TSGA10: variants seen among roughly 807,000 people sequenced by gnomAD.
TSGA10 encodes testis-specific gene 10 protein.
Under a neutral mutation model 96.6 loss-of-function variants are expected in TSGA10, and 43 were observed. The ratio of observed to expected loss-of-function variants is 0.44; its 90% CI spans 0.35 to 0.57. The LOEUF is 0.57. Among genes scored for constraint, TSGA10 ranks in the 20% least tolerant of loss-of-function variants. The pLI is 0.01. For missense variants in TSGA10, 703 were observed against 834.4 expected, an observed-to-expected ratio of 0.84 and a Z score of 1.94; for synonymous variants, 229 against 269.9, an observed-to-expected ratio of 0.85 and a Z score of 1.48.
intron 9 of TSGA10, among the ~76,000 whole-genome samples, chr2:99,105,075 T>C (rs2091198657): frequency 6.6e-6 from 1 of 152,144 alleles, no homozygotes; most frequent in Non-Finnish European, 1.5e-5. Flanking sequence ...TAACAAAATA[T>C]GGAGATGAGA....
At chr2:99,144,649 CAAAAAA>C (rs70940140) in intron 1 of TSGA10, among the ~76,000 whole-genome samples, 4 of 52,268 alleles carry the variant, frequency 7.7e-5, no homozygotes, top group Admixed American at 2.7e-4. Context: ...AACTCTGTCT[CAAAAAA>C]AAAAAAAAAA....
chr2:99,063,042 G>A (rs752016173), intron 16 of TSGA10, among the ~76,000 whole-genome samples: 2 of 152,202 alleles, frequency 1.3e-5, no homozygotes, highest in Admixed American at 1.3e-4. Context: ...CTACAAGAGT[G>A]TGTTATTGAC....
At chr2:99,059,593 C>A (rs1193598816) in intron 16 of TSGA10, among the ~76,000 whole-genome samples, 10 of 150,180 alleles carry the variant, frequency 6.7e-5, no homozygotes. Flanking sequence ...GAGCCGAGAT[C>A]ACGCCACTGC....
chr2:99,093,174 G>C (rs1020579121), intron 10 of TSGA10, among the ~76,000 whole-genome samples: 1 of 151,946 alleles, frequency 6.6e-6, no homozygotes, highest in South Asian at 2.1e-4. Context: ...TCAATAGATG[G>C]AGAAAAGGCA....
intron 12 of TSGA10, among the ~76,000 whole-genome samples, chr2:99,075,272 C>T (rs2086564692): frequency 6.6e-6 from 1 of 152,066 alleles, no homozygotes; most frequent in Non-Finnish European, 1.5e-5. Context: ...ATTTCTTATT[C>T]AACCTCATAT....
intron 1 of TSGA10, among the ~76,000 whole-genome samples, chr2:99,153,629 T>C (rs980862924): frequency 8.5e-5 from 13 of 152,288 alleles, no homozygotes; most frequent in Non-Finnish European, 1.8e-4. Flanking sequence ...GGAAGTAATA[T>C]AAGCAAAGAG....
At chr2:99,067,739 C>T (rs1230464881) in intron 15 of TSGA10, among the ~76,000 whole-genome samples, 2 of 151,858 alleles carry the variant, frequency 1.3e-5, no homozygotes, top group South Asian at 4.2e-4. Context: ...TGTAACCCCA[C>T]CTACTCAGGA....
intron 17 of TSGA10, among the ~76,000 whole-genome samples, chr2:99,025,437 A>T (rs1455976627): frequency 6.6e-6 from 1 of 152,116 alleles, no homozygotes; most frequent in Non-Finnish European, 1.5e-5. Context: ...TTCCCCTATG[A>T]TACTTTTTTT....
intron 17 of TSGA10, among the ~76,000 whole-genome samples, chr2:99,020,980 T>C (rs1285426442): frequency 6.7e-6 from 1 of 149,818 alleles, no homozygotes; most frequent in Non-Finnish European, 1.5e-5. Flanking sequence ...TTATAATTAA[T>C]ATAAGGAGTA....
At chr2:99,002,287 T>C (rs2077997453) in intron 20 of TSGA10, among the ~76,000 whole-genome samples, 1 of 152,180 alleles carries the variant, frequency 6.6e-6, no homozygotes, top group African/African-American at 2.4e-5. Context: ...AGCAGATCTC[T>C]TGGCAGAAAC....
intron 17 of TSGA10, among the ~76,000 whole-genome samples, chr2:99,021,241 A>C (rs1364740133): frequency 2.6e-5 from 4 of 152,028 alleles, no homozygotes; most frequent in African/African-American, 9.7e-5. Flanking sequence ...TGGAAGGGAG[A>C]TAGGTAGGTA....
chr2:99,087,005 C>T (rs549094250), intron 10 of TSGA10, among the ~76,000 whole-genome samples: 40 of 151,710 alleles, frequency 2.6e-4, no homozygotes, highest in East Asian at 7.8e-4. Flanking sequence ...GAGATTGAGA[C>T]CATCCTGGCT....
At chr2:99,144,027 G>A (rs76108657) in intron 1 of TSGA10, among the ~76,000 whole-genome samples, 1 of 143,470 alleles carries the variant, frequency 7.0e-6, no homozygotes, top group African/African-American at 2.5e-5. Flanking sequence ...CCTTTTTTTT[G>A]TTTGTTTTTT....
intron 10 of TSGA10, among the ~76,000 whole-genome samples, chr2:99,090,175 G>A (rs939939092): frequency 1.3e-5 from 2 of 152,102 alleles, no homozygotes; most frequent in Admixed American, 1.3e-4. Context: ...CAATCACACA[G>A]TTTGGCTATC....
In TSGA10 at chr2:99,081,378, C is replaced by G; in HGVS notation, c.631G>C (p.Glu211Gln). Residue 211 changes from glutamate to glutamine, a missense_variant, in exon 11 of 21, where the codon GAA (glutamate) becomes CAA (glutamine). Glu to Gln is a conservative substitution (Grantham distance 29, BLOSUM62 2). This residue lies in a region of TSGA10 where 585 missense variants were observed against 656.8 expected (regional missense o/e 0.89). Transcript: ENST00000393483. ...CGCTGAGTATCAGAAAGATCTTTTT[C>G]TGTGTTTTCATACAAAAGTCTGCAA... ...NSLRLLYENTEKDLSDTQRHL... is the reference protein window; with the variant it reads ...NSLRLLYENTQKDLSDTQRHL... The G allele has an allele frequency of 1.3e-6, 2 of 1,570,300 alleles. No homozygotes were observed. The highest frequency in any genetic ancestry group is 1.7e-6 in the Non-Finnish European group (2 of 1,159,476).
intron 10 of TSGA10, among the ~76,000 whole-genome samples, chr2:99,085,845 TAGA>T (rs1227268378): frequency 1.3e-5 from 2 of 151,952 alleles, no homozygotes; most frequent in Admixed American, 6.6e-5. Flanking sequence ...GAAATTTCAG[TAGA>T]AGGATAAACA....
At chr2:99,083,897 G>A (rs2087881382) in intron 10 of TSGA10, among the ~76,000 whole-genome samples, 1 of 152,078 alleles carries the variant, frequency 6.6e-6, no homozygotes, top group Non-Finnish European at 1.5e-5. Flanking sequence ...TGTGGTAGTA[G>A]TTACATGAAA....
intron 4 of TSGA10, 89 bp from the exon 5 acceptor site, chr2:99,111,004 TTAAAA>T (rs766651351): frequency 1.7e-5 from 5 of 292,976 alleles, no homozygotes; most frequent in Non-Finnish European, 2.5e-5. Flanking sequence ...AGGAAGCCAC[TTAAAA>T]TAAAAACATG....
intron 20 of TSGA10, among the ~76,000 whole-genome samples, chr2:99,008,939 T>C (rs1054858581): frequency 6.6e-6 from 1 of 152,080 alleles, no homozygotes; most frequent in Non-Finnish European, 1.5e-5. Context: ...TGCAACTTTT[T>C]GCATAAACAA....
Sources: allele counts gnomAD v4.1 joint callset (sites outside exome capture counted in the v4.1 genomes callset), GRCh38; gene constraint gnomAD v4.1.1; regional missense constraint gnomAD v4.1.1; transcripts MANE v1.5; gene names NCBI Gene and HGNC (gene_info 2026-07-23, HGNC 2026-07-21).